SLCO6A1: variants seen among roughly 807,000 people sequenced by gnomAD.
SLCO6A1 encodes the protein solute carrier organic anion transporter family member 6A1.
SLCO6A1 carries 65 observed loss-of-function variants against 72.7 expected under a neutral mutation model. That is an observed-to-expected ratio of 0.89 (90% CI 0.73 to 1.10). The LOEUF (loss-of-function observed/expected upper bound fraction) is 1.10. Ranked by LOEUF, SLCO6A1 falls within the 50% of genes least tolerant of loss-of-function variation. The probability of loss-of-function intolerance (pLI) is 0.00; values close to 1 mark genes in which losing one functional copy is unlikely to be tolerated. For synonymous variants in SLCO6A1, 314 were observed against 298.2 expected, an observed-to-expected ratio of 1.05 and a Z score of -0.55; for missense variants, 874 against 872.6, an observed-to-expected ratio of 1.00 and a Z score of -0.02.
At chr5:102,465,477 A>G (rs923301948) in intron 4 of SLCO6A1, among the ~76,000 whole-genome samples, 6 of 152,022 alleles carry the variant, frequency 3.9e-5, no homozygotes, top group Non-Finnish European at 2.9e-5. Flanking sequence ...CTACCCTATC[A>G]TGCTTCCTAG....
intron 2 of SLCO6A1, among the ~76,000 whole-genome samples, chr5:102,478,836 A>G (rs1476638429): frequency 6.6e-6 from 1 of 152,190 alleles, no homozygotes; most frequent in Non-Finnish European, 1.5e-5. Flanking sequence ...GAAAATTTTC[A>G]TCTGGTTTAG....
At chr5:102,441,294 T>G (rs1375944977) in intron 6 of SLCO6A1, among the ~76,000 whole-genome samples, 3 of 152,192 alleles carry the variant, frequency 2.0e-5, no homozygotes, top group Non-Finnish European at 4.4e-5. Context: ...CCATGGTCAT[T>G]TTTCACAAAT....
intron 10 of SLCO6A1, among the ~76,000 whole-genome samples, chr5:102,391,538 G>C (rs138943073): frequency 1.3e-5 from 2 of 152,218 alleles, no homozygotes; most frequent in East Asian, 3.9e-4. Context: ...GGAAAGTGAG[G>C]TCAAGATTTG....
intron 9 of SLCO6A1, among the ~76,000 whole-genome samples, chr5:102,401,721 C>T (rs1320741954): frequency 6.6e-6 from 1 of 152,072 alleles, no homozygotes. Flanking sequence ...GGGAGGCAGT[C>T]AGTCATTCAC....
intron 10 of SLCO6A1, among the ~76,000 whole-genome samples, chr5:102,391,885 A>C (rs1746781008): frequency 6.6e-6 from 1 of 152,074 alleles, no homozygotes; most frequent in African/African-American, 2.4e-5. Flanking sequence ...TTTCCTACTG[A>C]TCAAACCAAG....
At chr5:102,433,610 C>T (rs922683549) in intron 7 of SLCO6A1, among the ~76,000 whole-genome samples, 4 of 152,180 alleles carry the variant, frequency 2.6e-5, no homozygotes, top group African/African-American at 7.2e-5. Flanking sequence ...TCTCTGGCTC[C>T]TCAAGGTAGA....
At chr5:102,480,490 T>C (rs1580508365) in intron 1 of SLCO6A1, 56 bp from the exon 2 acceptor site, 22 of 1,513,578 alleles carry the variant, frequency 1.5e-5, no homozygotes, top group Non-Finnish European at 2.0e-5. Flanking sequence ...GAGGTCATTA[T>C]GATTATTACA....
chr5:102,491,440 G>C (rs1471283506), intron 1 of SLCO6A1, among the ~76,000 whole-genome samples: 2 of 152,222 alleles, frequency 1.3e-5, no homozygotes, highest in Non-Finnish European at 1.5e-5. Context: ...GTGGAGCAGG[G>C]GGCGGCACTC....
chr5:102,389,211 C>A (rs911306268), intron 11 of SLCO6A1, among the ~76,000 whole-genome samples: 1 of 152,166 alleles, frequency 6.6e-6, no homozygotes, highest in South Asian at 2.1e-4. Flanking sequence ...GTAAAATTTT[C>A]AACGACTGAA....
At chr5:102,442,607 C>T (rs1749897908) in intron 6 of SLCO6A1, among the ~76,000 whole-genome samples, 1 of 152,182 alleles carries the variant, frequency 6.6e-6, no homozygotes, top group African/African-American at 2.4e-5. Context: ...CAGATCGCAG[C>T]TCCTATTCCA....
At chr5:102,469,017 A>G (rs1751455621) in intron 4 of SLCO6A1, among the ~76,000 whole-genome samples, 1 of 152,034 alleles carries the variant, frequency 6.6e-6, no homozygotes, top group Non-Finnish European at 1.5e-5. Context: ...CCATTGGTCT[A>G]TATGTCTGCT....
intron 9 of SLCO6A1, among the ~76,000 whole-genome samples, chr5:102,408,512 T>A (rs1309628229): frequency 1.3e-5 from 2 of 152,110 alleles, no homozygotes; most frequent in East Asian, 3.8e-4. Context: ...AAACTTCTGA[T>A]AACCAAAAAC....
rs80258333 is a variant in SLCO6A1 at position 102,401,791 on chromosome 5, C to T, written c.1627-2049G>A. Among the ~76,000 whole-genome samples the T allele has an allele frequency of 5.5e-3, 833 of 152,210 alleles. 4 individuals carry two copies. Among genetic ancestry groups the T allele is most frequent in the African/African-American group, 0.019 (801 of 41,556 alleles). ...GATTTCACTTGCTTTCCCTGTCTTCCTGATTTCCTATTAGGACTCCTTATC... is the reference window on the plus strand; with the variant it reads ...GATTTCACTTGCTTTCCCTGTCTTCTTGATTTCCTATTAGGACTCCTTATC... On this transcript the variant is annotated intron_variant, in intron 9 of 13. Transcript: ENST00000506729.
At chr5:102,422,939 C>T (rs1294035921) in intron 7 of SLCO6A1, among the ~76,000 whole-genome samples, 1 of 152,134 alleles carries the variant, frequency 6.6e-6, no homozygotes, top group Non-Finnish European at 1.5e-5. Flanking sequence ...TGCAGAAACC[C>T]TACAAGCCAG....
At chr5:102,384,151 C>G (rs1261560623) in intron 12 of SLCO6A1, among the ~76,000 whole-genome samples, 1 of 151,342 alleles carries the variant, frequency 6.6e-6, no homozygotes, top group Non-Finnish European at 1.5e-5. Context: ...TTATTTTTTT[C>G]TATTATTTTT....
At chr5:102,486,182 T>TA (rs1324157576) in intron 1 of SLCO6A1, among the ~76,000 whole-genome samples, 3 of 152,180 alleles carry the variant, frequency 2.0e-5, no homozygotes, top group Non-Finnish European at 4.4e-5. Context: ...TAAATTTGCC[T>TA]AGTTAGAGCA....
At chr5:102,409,814 C>A (rs1747875224) in intron 9 of SLCO6A1, among the ~76,000 whole-genome samples, 1 of 152,032 alleles carries the variant, frequency 6.6e-6, no homozygotes. Context: ...TAAATAAAGT[C>A]TCTAAAAGAG....
chr5:102,450,833 A>G (rs539887369), intron 6 of SLCO6A1, among the ~76,000 whole-genome samples: 11 of 152,264 alleles, frequency 7.2e-5, no homozygotes, highest in African/African-American at 2.6e-4. Context: ...GGCAAGAAAG[A>G]CTGGTCTTTT....
chr5:102,423,738 T>C (rs1396086281), intron 7 of SLCO6A1, among the ~76,000 whole-genome samples: 1 of 152,148 alleles, frequency 6.6e-6, no homozygotes, highest in African/African-American at 2.4e-5. Flanking sequence ...AACAAGGATA[T>C]TCAGGACTTG....
Sources: gnomAD v4.1 joint callset for allele counts (sites outside exome capture counted in the v4.1 genomes callset) on GRCh38, gnomAD v4.1.1 for gene constraint, MANE v1.5 for transcripts, NCBI Gene and HGNC (gene_info 2026-07-23, HGNC 2026-07-21) for gene names.